FAM184A: variants seen among roughly 807,000 people sequenced by gnomAD.
The protein encoded by FAM184A is family with sequence similarity 184 member A, also known as protein FAM184A.
Under a neutral mutation model 143.8 loss-of-function variants are expected in FAM184A, and 99 were observed. The observed-to-expected ratio is 0.69, with a 90% CI of 0.58 to 0.81. The LOEUF is 0.81. Among genes scored for constraint, FAM184A ranks in the 40% least tolerant of loss-of-function variants. The pLI is 0.00. For synonymous variants in FAM184A, 427 were observed against 446.4 expected (o/e 0.96, Z 0.55); for missense variants, 1,217 against 1,310.5 (o/e 0.93, Z 1.10).
chr6:119,046,737 C>T (rs1477822998), intron 1 of FAM184A, among the ~76,000 whole-genome samples: 1 of 152,084 alleles, frequency 6.6e-6, no homozygotes, highest in African/African-American at 2.4e-5. Context: ...AATACATACC[C>T]CTGAATGGCC....
At chr6:119,083,508 A>G (rs1314691065), upstream of FAM184A, among the ~76,000 whole-genome samples, 3 of 152,182 alleles carry the variant, frequency 2.0e-5, no homozygotes, top group African/African-American at 7.2e-5. Context: ...GCTTTCAGAA[A>G]AAGCCAGGTC....
At chr6:118,960,864 C>T (rs749415325) in intron 17 of FAM184A, 5 of 1,346,450 alleles carry the variant, frequency 3.7e-6, no homozygotes, top group Non-Finnish European at 5.0e-6. Context: ...TTACTGATAC[C>T]TGAACATACC....
Position 118,964,658 on chromosome 6 carries a change from G to A in FAM184A, c.3138+9C>T, listed in dbSNP as rs138876814. On this transcript the variant is annotated intron_variant, in intron 16 of 17. Transcript: ENST00000338891. ...CACATTCCTATTCTACAGTGTTTAC[G>A]GCACATACCTTAGCCAATGGATTAA... 333 of 1,485,166 alleles carry A rather than the reference G, an allele frequency of 2.2e-4. 6 individuals are homozygous for A. In the East Asian group the frequency reaches 2.5e-3, roughly 11 times the overall value. The allele number at this position is 1,485,166 out of a possible 1,614,324, so 92.0% of individuals were successfully genotyped here. A position where few individuals can be genotyped will look rare whatever the true frequency, so the allele number is the denominator to read the frequency against.
intron 1 of FAM184A, chr6:119,057,763 A>C (rs1787045426): frequency 6.7e-6 from 1 of 149,312 alleles, no homozygotes; most frequent in Non-Finnish European, 1.5e-5. Flanking sequence ...TAAATAAATA[A>C]ATTTAAAATA....
intron 1 of FAM184A, among the ~76,000 whole-genome samples, chr6:119,068,629 G>C (rs1787558011): frequency 6.6e-6 from 1 of 152,172 alleles, no homozygotes; most frequent in Non-Finnish European, 1.5e-5. Flanking sequence ...TGACCCATAT[G>C]ATGGGCACTG....
intron 1 of FAM184A, among the ~76,000 whole-genome samples, chr6:119,094,622 C>T (rs1174791122): frequency 1.3e-5 from 2 of 152,184 alleles, no homozygotes; most frequent in Non-Finnish European, 2.9e-5. Flanking sequence ...TCTCCAACTA[C>T]ACCAGATATT....
chr6:119,033,860 C>G (rs1176739333), intron 1 of FAM184A, among the ~76,000 whole-genome samples: 2 of 148,830 alleles, frequency 1.3e-5, no homozygotes, highest in African/African-American at 4.9e-5. Flanking sequence ...GACATGGTGG[C>G]ACGCGTCTGT....
chr6:118,990,844 C>T (rs1784355763), intron 9 of FAM184A, among the ~76,000 whole-genome samples: 2 of 151,844 alleles, frequency 1.3e-5, no homozygotes, highest in Admixed American at 6.6e-5. Context: ...GAGCTGAGAT[C>T]ACACCACTGC....
intron 6 of FAM184A, among the ~76,000 whole-genome samples, chr6:119,007,396 A>C (rs774792658): frequency 6.6e-6 from 1 of 152,044 alleles, no homozygotes; most frequent in African/African-American, 2.4e-5. Flanking sequence ...ATTCTCCTTC[A>C]ATCCTTCTCT....
intron 11 of FAM184A, among the ~76,000 whole-genome samples, chr6:118,976,468 G>A (rs1334278169): frequency 1.3e-5 from 2 of 152,074 alleles, no homozygotes; most frequent in Admixed American, 1.3e-4. Context: ...TTCGAGACCA[G>A]CCTGATCAAC....
chr6:119,131,841 T>C (rs1158447310), intron 1 of FAM184A, among the ~76,000 whole-genome samples: 2 of 152,220 alleles, frequency 1.3e-5, no homozygotes, highest in Non-Finnish European at 1.5e-5. Flanking sequence ...TATTGTGTTT[T>C]GTGCTATAGA....
At chr6:119,111,241 A>G (rs867295721) in intron 1 of FAM184A, among the ~76,000 whole-genome samples, 1 of 152,230 alleles carries the variant, frequency 6.6e-6, no homozygotes, top group Non-Finnish European at 1.5e-5. Flanking sequence ...TTGAAGACTT[A>G]ACTGCAATAA....
chr6:119,079,146 C>T (rs143266719), upstream of FAM184A: 1 of 152,340 alleles, frequency 6.6e-6, no homozygotes, highest in Non-Finnish European at 1.5e-5. Flanking sequence ...GCGAGGATTC[C>T]CTGCCCTGAC....
chr6:119,078,121 C>A lies in FAM184A; in HGVS notation c.159+20G>T, dbSNP rs1424414162. The A allele has an allele frequency of 6.4e-7, 1 of 1,570,412 alleles. No individual in the cohort carries two copies. Among genetic ancestry groups the A allele is most frequent in the Admixed American group, 1.8e-5 (1 of 55,340 alleles). On this transcript the variant is annotated intron_variant, in intron 1 of 17. Transcript: ENST00000338891. This position sits in a 1 kb window ranked among gnomAD's most constrained non-coding sequence, Gnocchi z 5.5. ...CGGCCCGCACGGGGTCGCCACCTGC[C>A]CCGTCGCTGCCCCCCTTACCTTGGT... is the stretch of plus-strand genomic sequence containing the variant.
At chr6:118,962,849 A>G (rs1034276875) in intron 16 of FAM184A, 4 of 152,124 alleles carry the variant, frequency 2.6e-5, no homozygotes, top group African/African-American at 9.6e-5. Context: ...ATGTTACTAG[A>G]TATTTAGAAT....
chr6:119,080,368 T>C (rs1788026215), upstream of FAM184A, among the ~76,000 whole-genome samples: 1 of 152,194 alleles, frequency 6.6e-6, no homozygotes, highest in South Asian at 2.1e-4. Context: ...CCACTGGTAA[T>C]TCACTCTGAA....
chr6:119,101,038 A>G (rs1331423665), intron 1 of FAM184A, among the ~76,000 whole-genome samples: 1 of 151,234 alleles, frequency 6.6e-6, no homozygotes, highest in South Asian at 2.1e-4. Context: ...GTAATCCCCC[A>G]TAATGTCTCA....
chr6:119,068,475 A>T (rs1400404749), intron 1 of FAM184A, among the ~76,000 whole-genome samples: 1 of 152,212 alleles, frequency 6.6e-6, no homozygotes, highest in Non-Finnish European at 1.5e-5. Flanking sequence ...TAATAATTCT[A>T]TGAAGTACGC....
chr6:119,083,120 G>A (rs1262681539), upstream of FAM184A, among the ~76,000 whole-genome samples: 1 of 152,216 alleles, frequency 6.6e-6, no homozygotes, highest in Non-Finnish European at 1.5e-5. Flanking sequence ...AACAGCCTGA[G>A]CTGTACGTTG....
Sources: allele counts gnomAD v4.1 joint callset (sites outside exome capture counted in the v4.1 genomes callset), GRCh38; gene constraint gnomAD v4.1.1; non-coding constraint Gnocchi (gnomAD v3.1); transcripts MANE v1.5; gene names NCBI Gene and HGNC (gene_info 2026-07-23, HGNC 2026-07-21).